The following MYO9A variants were observed in gnomAD, a reference collection of about 807,000 sequenced individuals.
MYO9A encodes myosin IXA.
MYO9A carries 103 observed loss-of-function variants against 293.3 expected under a neutral mutation model. The observed-to-expected ratio is 0.35, with a 90% CI of 0.30 to 0.41. The LOEUF is 0.41. Ranked by LOEUF, MYO9A falls within the 10% of genes least tolerant of loss-of-function variation. The probability of loss-of-function intolerance (pLI) is 1.00; values close to 1 mark genes in which losing one functional copy is unlikely to be tolerated. For missense variants in MYO9A, 2,685 were observed against 3,033.0 expected (o/e 0.89, Z 2.69); for synonymous variants, 1,001 against 1,035.7 (o/e 0.97, Z 0.64).
chr15:71,842,339 T>C (rs995639605), intron 39 of MYO9A, among the ~76,000 whole-genome samples: 2 of 151,986 alleles, frequency 1.3e-5, no homozygotes, highest in Non-Finnish European at 1.5e-5. Flanking sequence ...ATTGTGCCAC[T>C]GCACTCCAGC....
chr15:71,824,663 T>TATTA lies in MYO9A; in HGVS notation c.*1913_*1916dup, dbSNP rs1338375056. Reference sequence around the variant, plus strand: ...AGATTTTTAAAAGCTTAACATTATTTATTACTCCTCAGGACAAGATGAACA... The same window carrying TATTA: ...AGATTTTTAAAAGCTTAACATTATTTATTAATTACTCCTCAGGACAAGATGAACA... On this transcript the variant is annotated 3_prime_UTR_variant, in exon 42 of 42. Coordinates refer to ENST00000356056, the MANE Select transcript of MYO9A (RefSeq NM_006901.4). 6.6e-6 allele frequency: 1 copy of TATTA among 152,234 alleles called. No individual in the cohort carries two copies. Among genetic ancestry groups the TATTA allele is most frequent in the Non-Finnish European group, 1.5e-5 (1 of 68,042 alleles). The allele number at this position is 152,234 out of a possible 1,614,324, so 9.4% of individuals were successfully genotyped here. A position where few individuals can be genotyped will look rare whatever the true frequency, so the allele number is the denominator to read the frequency against.
At position 71,822,592 on chromosome 15, in the gene MYO9A, T is replaced by A. The variant is rs2054318087; in HGVS notation, c.*3988A>T. Reference sequence around the variant, plus strand: ...GGATATGTCCTTTTATAATACAGTTTTTAAAAAAAATTTACACTCAGCATA... The same window carrying A: ...GGATATGTCCTTTTATAATACAGTTATTAAAAAAAATTTACACTCAGCATA... On this transcript the variant is annotated 3_prime_UTR_variant, in exon 42 of 42. Coordinates refer to ENST00000356056, the MANE Select transcript of MYO9A (RefSeq NM_006901.4). 6.6e-6 allele frequency: 1 copy of A among 152,130 alleles called. No homozygotes were observed. The highest frequency in any genetic ancestry group is 2.4e-5 in the African/African-American group (1 of 41,424). 9.4% of individuals were successfully genotyped at this position (152,130 alleles called of 1,614,324 possible).
At chr15:72,026,115 T>C (rs1219351312) in intron 4 of MYO9A, among the ~76,000 whole-genome samples, 5 of 150,120 alleles carry the variant, frequency 3.3e-5, no homozygotes, top group African/African-American at 9.8e-5. Context: ...CTACTAAAAA[T>C]ACAAAAAATT....
chr15:71,897,496 A>C lies in MYO9A; in HGVS notation c.5007T>G (p.Ile1669Met). ...TCATATTGTCCTTTGGAGTGAAGAA[A>C]ATGGGCCTAGCATTTCCCTCTCTGG... ...DLSREGNARP[I>M]FFTPKDNMSI... Residue 1669 changes from isoleucine to methionine, a missense_variant, in exon 25 of 42, where the codon ATT (isoleucine) becomes ATG (methionine). Coordinates refer to ENST00000356056, the MANE Select transcript of MYO9A (RefSeq NM_006901.4). 6.2e-7 allele frequency: 1 copy of C among 1,613,592 alleles called. No homozygotes were observed. Among genetic ancestry groups the C allele is most frequent in the Non-Finnish European group, 8.5e-7 (1 of 1,179,620 alleles).
chr15:71,927,449 T>G (rs532445581), intron 18 of MYO9A, among the ~76,000 whole-genome samples: 17 of 152,072 alleles, frequency 1.1e-4, no homozygotes, highest in Admixed American at 2.0e-4. Context: ...TGTCATAGAG[T>G]TTTCCCCGTA....
At chr15:71,957,278 A>G (rs1487774256) in intron 14 of MYO9A, among the ~76,000 whole-genome samples, 2 of 152,088 alleles carry the variant, frequency 1.3e-5, no homozygotes, top group African/African-American at 2.4e-5. Context: ...GTCTTGTATA[A>G]ATACTTCTCA....
At chr15:71,937,438 T>C (rs1236189747) in intron 16 of MYO9A, among the ~76,000 whole-genome samples, 1 of 152,170 alleles carries the variant, frequency 6.6e-6, no homozygotes, top group African/African-American at 2.4e-5. Context: ...AAAGACCCTC[T>C]ACCAGCAAAA....
At chr15:71,960,213 T>C in intron 13 of MYO9A, 117 bp from the exon 14 acceptor site, 1 of 882,044 alleles carries the variant, frequency 1.1e-6, no homozygotes, top group African/African-American at 1.7e-5. Flanking sequence ...GAAATGTGAT[T>C]CCCCCATGGT....
At chr15:72,081,823 T>C (rs2079555111) in intron 1 of MYO9A, among the ~76,000 whole-genome samples, 1 of 152,208 alleles carries the variant, frequency 6.6e-6, no homozygotes, top group Admixed American at 6.5e-5. Context: ...CTTGTTTTTG[T>C]CAGCTTTGTT....
intron 1 of MYO9A, among the ~76,000 whole-genome samples, chr15:72,081,924 T>C (rs943154200): frequency 3.3e-5 from 5 of 152,196 alleles, no homozygotes; most frequent in African/African-American, 7.2e-5. Flanking sequence ...CATGCTGTTT[T>C]GTTTCCGGTA....
intron 3 of MYO9A, among the ~76,000 whole-genome samples, chr15:72,032,135 T>C (rs1262644403): frequency 6.6e-6 from 1 of 152,172 alleles, no homozygotes; most frequent in African/African-American, 2.4e-5. Context: ...GGTCTCCAAC[T>C]CCTGACCTCA....
intron 1 of MYO9A, among the ~76,000 whole-genome samples, chr15:72,083,776 A>G (rs2079624597): frequency 6.6e-6 from 1 of 152,176 alleles, no homozygotes; most frequent in African/African-American, 2.4e-5. Context: ...AGTCAGAAGA[A>G]GGTTGTTTAA....
chr15:72,106,875 T>G (rs923088806), intron 1 of MYO9A, among the ~76,000 whole-genome samples: 2 of 152,184 alleles, frequency 1.3e-5, no homozygotes, highest in South Asian at 2.1e-4. Context: ...TCAAGTGACT[T>G]TTGAACATAG....
At chr15:71,874,182 C>T (rs185296899) in intron 32 of MYO9A, among the ~76,000 whole-genome samples, 1 of 152,288 alleles carries the variant, frequency 6.6e-6, no homozygotes, top group Admixed American at 6.5e-5. Context: ...AGTGGAAAAG[C>T]TGCAAGTAAG....
At position 72,097,393 on chromosome 15, in the gene MYO9A, A is replaced by G. The variant is rs748532230; in HGVS notation, c.-72+20287T>C. On this transcript the variant is annotated intron_variant, in intron 1 of 41. Coordinates refer to ENST00000356056, the MANE Select transcript of MYO9A (RefSeq NM_006901.4). ...GACCGATGACCGTTAGCATTTTTTT[A>G]ATATTTTCTAATCAATGTGTGGATA... Among the ~76,000 whole-genome samples the G allele has an allele frequency of 1.0e-3, 153 of 152,190 alleles. 2 individuals are homozygous for G. The highest frequency in any genetic ancestry group is 1.9e-3 in the Non-Finnish European group (129 of 68,022).
At chr15:71,931,491 T>C (rs1173995653) in intron 18 of MYO9A, among the ~76,000 whole-genome samples, 1 of 152,172 alleles carries the variant, frequency 6.6e-6, no homozygotes, top group African/African-American at 2.4e-5. Context: ...GTATTTAACA[T>C]GTTGCTTTTT....
chr15:71,915,794 T>TAC (rs2057992698), intron 19 of MYO9A, among the ~76,000 whole-genome samples: 1 of 152,132 alleles, frequency 6.6e-6, no homozygotes, highest in South Asian at 2.1e-4. Context: ...CATAAATATC[T>TAC]ACCAAATGAA....
intron 22 of MYO9A, among the ~76,000 whole-genome samples, chr15:71,902,311 A>C (rs1367781357): frequency 6.6e-6 from 1 of 152,044 alleles, no homozygotes; most frequent in African/African-American, 2.4e-5. Flanking sequence ...GGTTATTATC[A>C]AGCAGGAGGC....
chr15:72,081,423 A>G (rs2079542024), intron 1 of MYO9A, among the ~76,000 whole-genome samples: 1 of 151,950 alleles, frequency 6.6e-6, no homozygotes, highest in Non-Finnish European at 1.5e-5. Flanking sequence ...CTTCTTGTAA[A>G]TTTAAATTCT....
Sources: gnomAD v4.1 joint callset for allele counts (sites outside exome capture counted in the v4.1 genomes callset) on GRCh38, gnomAD v4.1.1 for gene constraint, MANE v1.5 for transcripts, NCBI Gene and HGNC (gene_info 2026-07-23, HGNC 2026-07-21) for gene names.